Variants in TRMT9B observed in about 807,000 individuals in gnomAD.
TRMT9B encodes the protein tRNA methyltransferase 9B (putative), also known as probable tRNA methyltransferase 9B.
A neutral mutation model predicts 11.5 loss-of-function variants in TRMT9B; 16 were observed. The ratio of observed to expected loss-of-function variants is 1.39; its 90% CI spans 0.94 to 2.11. TRMT9B has a LOEUF of 2.11. Among genes scored for constraint, TRMT9B ranks in the 30% most tolerant of loss-of-function variants. TRMT9B has a pLI of 0.00. For missense variants in TRMT9B, 941 were observed against 553.8 expected, an observed-to-expected ratio of 1.70 and a Z score of -7.02; for synonymous variants, 274 against 192.4, an observed-to-expected ratio of 1.42 and a Z score of -3.51.
At chr8:12,962,421 G>A (rs1236060951) in intron 1 of TRMT9B, among the ~76,000 whole-genome samples, 1 of 152,174 alleles carries the variant, frequency 6.6e-6, no homozygotes, top group East Asian at 1.9e-4. Context: ...TGTGTTGGCA[G>A]TATGTGCATA....
chr8:12,950,464 G>A (rs534426889), intron 1 of TRMT9B, among the ~76,000 whole-genome samples: 7 of 152,116 alleles, frequency 4.6e-5, no homozygotes, highest in Non-Finnish European at 8.8e-5. Context: ...CCAGTGAATG[G>A]AAGCAAGGAT....
intron 3 of TRMT9B, chr8:13,006,884 G>T: frequency 5.9e-6 from 1 of 168,220 alleles, no homozygotes; most frequent in Non-Finnish European, 1.3e-5. Flanking sequence ...GGCCAGACTG[G>T]TCTCAAACTC....
chr8:13,016,212 A>G (rs1041225349), intron 4 of TRMT9B, among the ~76,000 whole-genome samples: 2 of 133,896 alleles, frequency 1.5e-5, no homozygotes, highest in Non-Finnish European at 3.1e-5. Flanking sequence ...TTATATATAT[A>G]AAATATAAAT....
intron 1 of TRMT9B, among the ~76,000 whole-genome samples, chr8:12,976,214 C>G (rs901115771): frequency 6.6e-6 from 1 of 152,072 alleles, no homozygotes; most frequent in African/African-American, 2.4e-5. Flanking sequence ...TTTGGGAGGT[C>G]TATGTATAAC....
At chr8:12,970,742 G>A (rs970892033) in intron 1 of TRMT9B, among the ~76,000 whole-genome samples, 1 of 152,148 alleles carries the variant, frequency 6.6e-6, no homozygotes, top group Non-Finnish European at 1.5e-5. Flanking sequence ...TTAGGAATTG[G>A]CACCAAGGCT....
At chr8:12,996,825 A>G (rs1181114555) in intron 2 of TRMT9B, among the ~76,000 whole-genome samples, 1 of 152,138 alleles carries the variant, frequency 6.6e-6, no homozygotes, top group Non-Finnish European at 1.5e-5. Flanking sequence ...GAACATTATC[A>G]GCACCCCAGG....
At chr8:12,981,316 A>G (rs149880632) in intron 1 of TRMT9B, among the ~76,000 whole-genome samples, 5 of 152,318 alleles carry the variant, frequency 3.3e-5, no homozygotes, top group African/African-American at 1.2e-4. Flanking sequence ...GGCTACTTCA[A>G]ATGGTGCTGG....
At chr8:12,977,088 A>C (rs1168569339) in intron 1 of TRMT9B, among the ~76,000 whole-genome samples, 3 of 152,180 alleles carry the variant, frequency 2.0e-5, no homozygotes, top group Non-Finnish European at 4.4e-5. Context: ...AGAAAATTCA[A>C]ATGCAGATTA....
chr8:12,960,524 T>C (rs1192033999), intron 1 of TRMT9B: 2 of 152,222 alleles, frequency 1.3e-5, no homozygotes, highest in East Asian at 3.9e-4. Flanking sequence ...TGTAGCCACT[T>C]TGTTCCTAAT....
intron 4 of TRMT9B, among the ~76,000 whole-genome samples, chr8:13,020,661 C>A (rs964113881): frequency 2.6e-5 from 4 of 152,102 alleles, no homozygotes; most frequent in African/African-American, 9.7e-5. Flanking sequence ...CATTGACCAT[C>A]CTTCTGGTTA....
intron 2 of TRMT9B, among the ~76,000 whole-genome samples, chr8:12,994,052 T>C (rs929140207): frequency 6.6e-6 from 1 of 152,224 alleles, no homozygotes; most frequent in East Asian, 1.9e-4. Flanking sequence ...TGTCCGAGAC[T>C]GGATCATGTG....
chr8:13,015,863 C>G (rs1257299670), intron 4 of TRMT9B, among the ~76,000 whole-genome samples: 3 of 152,010 alleles, frequency 2.0e-5, no homozygotes, highest in Non-Finnish European at 4.4e-5. Context: ...AAAATGCTTC[C>G]TTGAGTGGAA....
chr8:12,949,424 A>C (rs1800430346), intron 1 of TRMT9B, among the ~76,000 whole-genome samples: 1 of 152,216 alleles, frequency 6.6e-6, no homozygotes, highest in African/African-American at 2.4e-5. Flanking sequence ...GTACAAAAAT[A>C]ACATAAATGG....
chr8:12,965,918 C>T (rs1480697173), intron 1 of TRMT9B, among the ~76,000 whole-genome samples: 1 of 151,516 alleles, frequency 6.6e-6, no homozygotes, highest in Non-Finnish European at 1.5e-5. Flanking sequence ...GAGGCTGAGG[C>T]AGGAGAACCA....
At chr8:13,004,203 G>A (rs1449355944) in intron 2 of TRMT9B, among the ~76,000 whole-genome samples, 2 of 151,902 alleles carry the variant, frequency 1.3e-5, no homozygotes, top group African/African-American at 4.8e-5. Context: ...GGGCTCTGGG[G>A]TACTAAATAC....
At chr8:12,995,057 C>T (rs945908181) in intron 2 of TRMT9B, among the ~76,000 whole-genome samples, 3 of 152,206 alleles carry the variant, frequency 2.0e-5, no homozygotes, top group African/African-American at 7.2e-5. Context: ...CTCATGCATT[C>T]GTTTGAAGAT....
intron 1 of TRMT9B, among the ~76,000 whole-genome samples, chr8:12,979,555 A>T (rs1563349981): frequency 6.6e-6 from 1 of 152,136 alleles, no homozygotes; most frequent in Non-Finnish European, 1.5e-5. Context: ...GCCTTCTTGA[A>T]TTCCTCATGC....
At chr8:12,960,004 T>A (rs796903115) in intron 1 of TRMT9B, 2 of 152,220 alleles carry the variant, frequency 1.3e-5, no homozygotes, top group African/African-American at 4.8e-5. Flanking sequence ...TACGTGCAGC[T>A]GATCTCAATT....
At chr8:12,975,065 T>G (rs1231756323) in intron 1 of TRMT9B, among the ~76,000 whole-genome samples, 1 of 151,538 alleles carries the variant, frequency 6.6e-6, no homozygotes, top group African/African-American at 2.4e-5. Context: ...ATTTTTACAC[T>G]AATGGGGAAA....
Sources: gnomAD v4.1 joint callset for allele counts (sites outside exome capture counted in the v4.1 genomes callset) on GRCh38, gnomAD v4.1.1 for gene constraint, MANE v1.5 for transcripts, NCBI Gene and HGNC (gene_info 2026-07-23, HGNC 2026-07-21) for gene names.